The following CALN1 variants were observed in gnomAD, a reference collection of about 807,000 sequenced individuals.
The protein encoded by CALN1 is calneuron 1.
A neutral mutation model predicts 30.6 loss-of-function variants in CALN1; 17 were observed. The ratio of observed to expected loss-of-function variants is 0.56; its 90% CI spans 0.38 to 0.83. CALN1 has a LOEUF of 0.83. CALN1 is among the 40% of genes least tolerant of loss of function. CALN1 has a pLI of 0.00. For missense variants in CALN1, 291 were observed against 354.9 expected, an observed-to-expected ratio of 0.82 and a Z score of 1.45; for synonymous variants, 156 against 131.4, an observed-to-expected ratio of 1.19 and a Z score of -1.28.
intron 4 of CALN1, among the ~76,000 whole-genome samples, chr7:72,051,232 T>C (rs567909334): frequency 1.3e-5 from 2 of 151,896 alleles, no homozygotes; most frequent in South Asian, 2.1e-4. Context: ...ATATGAATGA[T>C]TGACAAATCG....
rs994429559 is a variant in CALN1 at position 71,937,288 on chromosome 7, C to A, written c.501+86369G>T. ...TCGTACCATTGCACTCCAGCCTGGG[C>A]AACAAGAGTGAAACTTTGTCTCAAA... On this transcript the variant is annotated intron_variant, in intron 5 of 6. Coordinates refer to ENST00000395275, the MANE Select transcript of CALN1 (RefSeq NM_031468.4). 4.4e-4 allele frequency among the ~76,000 whole-genome samples: 66 copies of A among 151,460 alleles called. 1 individual carries two copies. Among genetic ancestry groups the A allele is most frequent in the Non-Finnish European group, 7.4e-5 (5 of 67,934 alleles).
At chr7:72,197,034 TAAAAC>T (rs1169668061) in intron 3 of CALN1, among the ~76,000 whole-genome samples, 2 of 152,174 alleles carry the variant, frequency 1.3e-5, no homozygotes, top group Non-Finnish European at 2.9e-5. Context: ...TGGATGCACT[TAAAAC>T]TATGAAATTT....
chr7:71,908,286 T>C (rs543691300), intron 5 of CALN1, among the ~76,000 whole-genome samples: 1 of 152,142 alleles, frequency 6.6e-6, no homozygotes, highest in Non-Finnish European at 1.5e-5. Context: ...TTTTCCCCTA[T>C]GCTTACACTA....
Position 72,226,090 on chromosome 7 carries a change from A to AC in CALN1, c.244+52595dup, listed in dbSNP as rs1176148242. Among the ~76,000 whole-genome samples the AC allele has an allele frequency of 4.4e-5, 3 of 68,126 alleles. No homozygotes were observed. The East Asian group carries it at 4.4e-3, about 100-fold the overall frequency. 44.7% of individuals were successfully genotyped at this position (68,126 alleles called of 152,430 possible). The stretch of plus-strand genomic sequence containing the variant: ...CAGCCTGGTGACAGAGCGAGACTCC[A>AC]CCCAAAAAAAAAAAAAAAAAATTAG... On this transcript the variant is annotated intron_variant, in intron 3 of 6. Coordinates refer to ENST00000395275, the MANE Select transcript of CALN1 (RefSeq NM_031468.4).
At chr7:72,034,950 T>C (rs1035354460) in intron 4 of CALN1, among the ~76,000 whole-genome samples, 1 of 152,100 alleles carries the variant, frequency 6.6e-6, no homozygotes, top group Middle Eastern at 3.4e-3. Context: ...GGAGAATATA[T>C]AGTCTGATTT....
chr7:72,198,551 C>G (rs1791197334), intron 3 of CALN1, among the ~76,000 whole-genome samples: 1 of 152,138 alleles, frequency 6.6e-6, no homozygotes, highest in Non-Finnish European at 1.5e-5. Flanking sequence ...ACATTCTCCT[C>G]CCTCCCTCCC....
intron 2 of CALN1, among the ~76,000 whole-genome samples, chr7:72,322,171 G>A (rs970450128): frequency 6.6e-6 from 1 of 152,152 alleles, no homozygotes; most frequent in African/African-American, 2.4e-5. Context: ...GGTCCCATCC[G>A]GGGGTGCTGG....
chr7:71,847,765 AG>A (rs1790375600), intron 5 of CALN1, among the ~76,000 whole-genome samples: 1 of 127,410 alleles, frequency 7.8e-6, no homozygotes, highest in Admixed American at 8.4e-5. Flanking sequence ...AGAAAGAAGA[AG>A]AAGAAGAAAG....
chr7:71,993,559 C>T (rs920248266), intron 5 of CALN1, among the ~76,000 whole-genome samples: 3 of 151,400 alleles, frequency 2.0e-5, no homozygotes, highest in African/African-American at 7.3e-5. Context: ...CGGGTTCAAG[C>T]GATTCTCCTG....
At chr7:71,881,208 C>T (rs1792543094) in intron 5 of CALN1, among the ~76,000 whole-genome samples, 1 of 152,310 alleles carries the variant, frequency 6.6e-6, no homozygotes, top group African/African-American at 2.4e-5. Flanking sequence ...CTTTTGGCCA[C>T]AGACTGAAGG....
At chr7:71,838,998 G>A (rs940080655) in intron 5 of CALN1, among the ~76,000 whole-genome samples, 1 of 152,014 alleles carries the variant, frequency 6.6e-6, no homozygotes, top group South Asian at 2.1e-4. Flanking sequence ...TCTTTAGAGA[G>A]AGGGTCTCAC....
chr7:72,083,843 A>G (rs968206793), intron 4 of CALN1, among the ~76,000 whole-genome samples: 39 of 145,230 alleles, frequency 2.7e-4, no homozygotes, highest in African/African-American at 8.7e-4. Flanking sequence ...CGCTTGAACC[A>G]TATCTAAGTA....
intron 4 of CALN1, among the ~76,000 whole-genome samples, chr7:72,034,312 C>A (rs527632817): frequency 5.3e-5 from 8 of 149,774 alleles, no homozygotes; most frequent in African/African-American, 2.0e-4. Flanking sequence ...CGAGATTGTG[C>A]CACTGCACTC....
chr7:72,248,275 C>G (rs890667146), intron 3 of CALN1, among the ~76,000 whole-genome samples: 1 of 152,144 alleles, frequency 6.6e-6, no homozygotes, highest in African/African-American at 2.4e-5. Context: ...CCACCACACC[C>G]AGCTAATTTT....
intron 1 of CALN1, among the ~76,000 whole-genome samples, chr7:72,434,957 T>A (rs1174682694): frequency 1.3e-5 from 2 of 152,202 alleles, no homozygotes; most frequent in East Asian, 3.9e-4. Flanking sequence ...CCACGCATGG[T>A]GGCTCACACC....
At chr7:72,212,602 G>A (rs745766514) in intron 3 of CALN1, among the ~76,000 whole-genome samples, 11 of 151,998 alleles carry the variant, frequency 7.2e-5, no homozygotes, top group Non-Finnish European at 1.0e-4. Flanking sequence ...ATTGCTTGAG[G>A]CCAGGAACTC....
At chr7:72,362,389 C>G (rs544051479) in intron 2 of CALN1, among the ~76,000 whole-genome samples, 5 of 152,092 alleles carry the variant, frequency 3.3e-5, no homozygotes, top group African/African-American at 1.2e-4. Context: ...TCTCCATGGC[C>G]AACAGAGCAC....
chr7:72,482,044 G>A, the CALN1 span, among the ~76,000 whole-genome samples: 1 of 152,008 alleles, frequency 6.6e-6, no homozygotes, highest in Non-Finnish European at 1.5e-5. Flanking sequence ...ATCAGTTTCT[G>A]CCTTCAGGTA....
intron 4 of CALN1, among the ~76,000 whole-genome samples, chr7:72,050,769 G>A (rs1273340779): frequency 6.6e-6 from 1 of 152,122 alleles, no homozygotes; most frequent in African/African-American, 2.4e-5. Context: ...GGGAGGCCAA[G>A]GTGGGAAGTT....
Sources: gnomAD v4.1 joint callset for allele counts (sites outside exome capture counted in the v4.1 genomes callset) on GRCh38, gnomAD v4.1.1 for gene constraint, MANE v1.5 for transcripts, NCBI Gene and HGNC (gene_info 2026-07-23, HGNC 2026-07-21) for gene names.